SPTBN4: variants seen among roughly 807,000 people sequenced by gnomAD.
SPTBN4 encodes spectrin beta, non-erythrocytic 4, also known as spectrin beta chain, non-erythrocytic 4.
Under a neutral mutation model 277.8 loss-of-function variants are expected in SPTBN4, and 96 were observed. The ratio of observed to expected loss-of-function variants is 0.35; its 90% CI spans 0.29 to 0.41. The LOEUF is 0.41. SPTBN4 is among the 10% of genes least tolerant of loss of function. The pLI is 1.00. For missense variants in SPTBN4, 3,006 were observed against 3,595.7 expected, an observed-to-expected ratio of 0.84 and a Z score of 4.19; for synonymous variants, 1,481 against 1,580.3, an observed-to-expected ratio of 0.94 and a Z score of 1.49.
intron 3 of SPTBN4, 70 bp downstream of exon 3, chr19:40,487,918 G>A (rs2080091198): frequency 6.7e-7 from 1 of 1,485,142 alleles, no homozygotes; most frequent in Non-Finnish European, 8.9e-7. Flanking sequence ...GGCTTCTCTG[G>A]AAGGGCTGAA....
chr19:40,556,153 G>C lies in SPTBN4; in HGVS notation c.5154G>C (p.Glu1718Asp), dbSNP rs150738364. 17 of 1,613,150 alleles carry C rather than the reference G, an allele frequency of 1.1e-5. No homozygotes were observed. The Admixed American group carries it at 2.3e-4, about 22-fold the overall frequency. ...LYVALKELGEERRVALEQQYW... is the reference protein window; with the variant it reads ...LYVALKELGEDRRVALEQQYW... ...TGGCGCTCAAGGAGCTGGGTGAGGA[G>C]CGCCGGGTGGCTCTGGAACAGCAGT... Residue 1718 changes from glutamate to aspartate, a missense_variant, in exon 25 of 36, where the codon GAG becomes GAC. This residue lies in a region of SPTBN4 where 425 missense variants were observed against 594.7 expected (regional missense o/e 0.71). Transcript: ENST00000598249.
chr19:40,484,009 A>G (rs2080041489), intron 2 of SPTBN4, among the ~76,000 whole-genome samples: 1 of 152,140 alleles, frequency 6.6e-6, no homozygotes, highest in South Asian at 2.1e-4. Flanking sequence ...CCTGGGAGGC[A>G]GAGGTTGCAG....
intron 2 of SPTBN4, among the ~76,000 whole-genome samples, chr19:40,481,005 C>T (rs529488984): frequency 6.6e-5 from 10 of 152,138 alleles, no homozygotes; most frequent in East Asian, 5.8e-4. Context: ...GTGGAGGTTG[C>T]GGTGAGCCAA....
chr19:40,572,327 C>T lies in SPTBN4; in HGVS notation c.7494-11C>T. 1.2e-6 allele frequency: 2 copies of T among 1,614,118 alleles called. No homozygotes were observed. Among genetic ancestry groups the T allele is most frequent in the South Asian group, 1.1e-5 (1 of 91,082 alleles). On this transcript the variant is annotated splice_polypyrimidine_tract_variant and intron_variant, in intron 34 of 35. Coordinates refer to ENST00000598249, the MANE Select transcript of SPTBN4 (RefSeq NM_020971.3). Reference sequence around the variant, plus strand: ...CCCCAGATCTCTGAAGTCCTGTGTCCCTTCCTGCAGGACCCAGGATGGCAG... The same window carrying T: ...CCCCAGATCTCTGAAGTCCTGTGTCTCTTCCTGCAGGACCCAGGATGGCAG...
intron 33 of SPTBN4, 108 bp downstream of exon 33, chr19:40,570,836 C>A: frequency 8.3e-7 from 1 of 1,199,136 alleles, no homozygotes; most frequent in Non-Finnish European, 1.1e-6. Context: ...GGCCCTCCAG[C>A]AGGTGGCGGT....
chr19:40,550,730 G>C (rs2080909360), intron 22 of SPTBN4, among the ~76,000 whole-genome samples: 1 of 152,036 alleles, frequency 6.6e-6, no homozygotes, highest in Non-Finnish European at 1.5e-5. Flanking sequence ...GGTTGGCCAG[G>C]CTGGGCTCGA....
intron 11 of SPTBN4, 43 bp from the exon 12 acceptor site, chr19:40,503,787 A>G: frequency 6.5e-7 from 1 of 1,540,952 alleles, no homozygotes; most frequent in South Asian, 1.3e-5. Context: ...TAACAGGTGG[A>G]CTGCTGAGGC....
At chr19:40,550,415 A>C in intron 22 of SPTBN4, 88 bp downstream of exon 22, 2 of 1,225,988 alleles carry the variant, frequency 1.6e-6, no homozygotes, top group Non-Finnish European at 1.2e-6. Flanking sequence ...AAAACAATGA[A>C]TGTATTGGCT....
intron 7 of SPTBN4, among the ~76,000 whole-genome samples, chr19:40,497,852 G>A (rs905547830): frequency 2.7e-5 from 4 of 147,820 alleles, no homozygotes; most frequent in African/African-American, 1.0e-4. Flanking sequence ...GTGTCCCAAC[G>A]TAACCCCTCC....
At position 40,515,481 on chromosome 19, in the gene SPTBN4, T is replaced by A. The variant is rs73544907; in HGVS notation, c.2903+33T>A. ...GGCCTGGGGCTGGGAGTCCCTCCCA[T>A]CCTTCCCTTCCACACTCACACAGCC... On this transcript the variant is annotated intron_variant, in intron 15 of 35. Coordinates refer to ENST00000598249, the MANE Select transcript of SPTBN4 (RefSeq NM_020971.3). The surrounding 1 kb of genome is among the most constrained non-coding windows in gnomAD (Gnocchi z 4.1). 2 of 1,530,112 alleles carry A rather than the reference T, an allele frequency of 1.3e-6. No individual in the cohort carries two copies. The highest frequency in any genetic ancestry group is 2.8e-5 in the African/African-American group (2 of 72,426). The allele number at this position is 1,530,112 out of a possible 1,614,324, so 94.8% of individuals were successfully genotyped here.
intron 20 of SPTBN4, 52 bp downstream of exon 20, chr19:40,534,395 G>A: frequency 6.3e-7 from 1 of 1,588,968 alleles, no homozygotes; most frequent in South Asian, 1.1e-5. Flanking sequence ...TGGGGGCCAG[G>A]TCAGGGTCCA....
rs1478724344 is a variant in SPTBN4, at chr19:40,467,100, G to A, written c.-221G>A. The A allele has an allele frequency of 2.7e-5, 4 of 149,740 alleles. No individual in the cohort carries two copies. Among genetic ancestry groups the A allele is most frequent in the African/African-American group, 9.7e-5 (4 of 41,206 alleles). The allele number at this position is 149,740 out of a possible 1,614,324, so 9.3% of individuals were successfully genotyped here. A position where few individuals can be genotyped will look rare whatever the true frequency, so the allele number is the denominator to read the frequency against. Reference sequence around the variant, plus strand: ...GGGCGCGGGGACCGCGGGCGGGAGGGGGTCCCGGGGGCGCGCTGAGCGCGG... The same window carrying A: ...GGGCGCGGGGACCGCGGGCGGGAGGAGGTCCCGGGGGCGCGCTGAGCGCGG... On this transcript the variant is annotated 5_prime_UTR_variant, in exon 1 of 36. Coordinates refer to ENST00000598249, the MANE Select transcript of SPTBN4 (RefSeq NM_020971.3).
At chr19:40,533,129 C>A (rs1294763521) in intron 19 of SPTBN4, among the ~76,000 whole-genome samples, 1 of 152,026 alleles carries the variant, frequency 6.6e-6, no homozygotes, top group Non-Finnish European at 1.5e-5. Flanking sequence ...CCTGGGAAGC[C>A]CAGGGTTAAA....
Position 40,557,404 on chromosome 19 carries a change from G to C in SPTBN4, c.5670+1G>C. ...TGACCTGCAGCTCCTCGTGTCCCAG[G>C]TGGGGCGCCGGTGGCCATCAGGGCA... On this transcript the variant is annotated splice_donor_variant, in intron 26 of 35. Coordinates refer to ENST00000598249, the MANE Select transcript of SPTBN4 (RefSeq NM_020971.3). LOFTEE classifies it high-confidence loss of function. 6.4e-7 allele frequency: 1 copy of C among 1,551,956 alleles called. No individual in the cohort carries two copies. The highest frequency in any genetic ancestry group is 8.7e-7 in the Non-Finnish European group (1 of 1,145,984).
intron 20 of SPTBN4, among the ~76,000 whole-genome samples, chr19:40,548,249 A>G (rs1568368611): frequency 6.6e-6 from 1 of 152,178 alleles, no homozygotes. Context: ...GCACTTTGGG[A>G]GGCCAAGATG....
chr19:40,496,661 A>G (rs1397691424), intron 6 of SPTBN4, among the ~76,000 whole-genome samples: 1 of 152,184 alleles, frequency 6.6e-6, no homozygotes, highest in Non-Finnish European at 1.5e-5. Context: ...GAGTGACACA[A>G]CCAGGATATG....
chr19:40,477,467 TGA>T (rs2079962136), intron 2 of SPTBN4, among the ~76,000 whole-genome samples: 1 of 151,700 alleles, frequency 6.6e-6, no homozygotes, highest in Non-Finnish European at 1.5e-5. Flanking sequence ...CATAGGTCAG[TGA>T]GAGAGAGAGA....
rs181115090 is a variant in SPTBN4 at position 40,539,695 on chromosome 19, G to T, written c.4359+5352G>T. Among the ~76,000 whole-genome samples, 424 of 151,756 alleles carry T rather than the reference G, an allele frequency of 2.8e-3. 1 individual carries two copies. Among genetic ancestry groups the T allele is most frequent in the Non-Finnish European group, 4.2e-3 (284 of 67,928 alleles). On this transcript the variant is annotated intron_variant, in intron 20 of 35. Transcript: ENST00000598249. The stretch of plus-strand genomic sequence containing the variant: ...GGGTTTCACCATGTTGGCCAGGCTG[G>T]TCTCAAACTCCTGACCTCAAGTGAT...
intron 20 of SPTBN4, among the ~76,000 whole-genome samples, chr19:40,539,733 G>A (rs569814750): frequency 1.5e-4 from 23 of 151,752 alleles, no homozygotes; most frequent in African/African-American, 4.8e-4. Flanking sequence ...ACCCACCTCC[G>A]CCTCCCAAAG....
Sources: allele counts gnomAD v4.1 joint callset (sites outside exome capture counted in the v4.1 genomes callset), GRCh38; gene constraint gnomAD v4.1.1; regional missense constraint gnomAD v4.1.1; non-coding constraint Gnocchi (gnomAD v3.1); transcripts MANE v1.5; gene names NCBI Gene and HGNC (gene_info 2026-07-23, HGNC 2026-07-21).